Variants in HIBADH observed in about 807,000 individuals in gnomAD.
HIBADH encodes 3-hydroxyisobutyrate dehydrogenase, mitochondrial.
Under a neutral mutation model 36.1 loss-of-function variants are expected in HIBADH, and 25 were observed. The ratio of observed to expected loss-of-function variants is 0.69; its 90% CI spans 0.50 to 0.97. HIBADH has a LOEUF of 0.97. Ranked by LOEUF, HIBADH falls within the 50% of genes least tolerant of loss-of-function variation. HIBADH has a pLI of 0.00. For missense variants in HIBADH, 421 were observed against 418.0 expected (o/e 1.01, Z -0.06); for synonymous variants, 160 against 149.5 (o/e 1.07, Z -0.51).
chr7:27,594,819 A>C (rs866437479), intron 4 of HIBADH, among the ~76,000 whole-genome samples: 4 of 152,200 alleles, frequency 2.6e-5, no homozygotes, highest in South Asian at 4.1e-4. Context: ...GCTGGAACTG[A>C]GTGTATGAAA....
At chr7:27,611,511 C>A (rs1463873238) in intron 4 of HIBADH, among the ~76,000 whole-genome samples, 1 of 51,476 alleles carries the variant, frequency 1.9e-5, no homozygotes, top group South Asian at 8.6e-4. Context: ...CACACACACA[C>A]CCACCCACCC....
intron 4 of HIBADH, among the ~76,000 whole-genome samples, chr7:27,568,742 A>AT (rs1423934148): frequency 8.5e-5 from 13 of 152,248 alleles, no homozygotes; most frequent in Admixed American, 5.2e-4. Flanking sequence ...AAGTGCTGGG[A>AT]TTACAGGCGT....
chr7:27,549,735 T>C (rs1297336528), intron 4 of HIBADH, among the ~76,000 whole-genome samples: 1 of 152,156 alleles, frequency 6.6e-6, no homozygotes, highest in African/African-American at 2.4e-5. Flanking sequence ...CTTATACCTA[T>C]AAAAGAAGTA....
chr7:27,613,436 A>T (rs1785369098), intron 4 of HIBADH, among the ~76,000 whole-genome samples: 1 of 151,032 alleles, frequency 6.6e-6, no homozygotes, highest in South Asian at 2.1e-4. Context: ...ATATGAACTA[A>T]TTCCCTTTCT....
At chr7:27,538,476 C>T (rs372165537) in intron 5 of HIBADH, 59 bp from the exon 6 acceptor site, 253 of 1,449,810 alleles carry the variant, frequency 1.7e-4, no homozygotes, top group Non-Finnish European at 2.3e-4. Flanking sequence ...ACTCACAGGA[C>T]GTTTTTCCTT....
At chr7:27,562,027 A>T (rs1784475369) in intron 4 of HIBADH, among the ~76,000 whole-genome samples, 1 of 152,116 alleles carries the variant, frequency 6.6e-6, no homozygotes, top group African/African-American at 2.4e-5. Context: ...TATAAATAAG[A>T]TTCAGCAGGA....
intron 5 of HIBADH, among the ~76,000 whole-genome samples, chr7:27,539,922 T>C (rs955944631): frequency 1.3e-5 from 2 of 152,026 alleles, no homozygotes; most frequent in Non-Finnish European, 2.9e-5. Flanking sequence ...TAAGTGGAAG[T>C]GGATCATCAT....
intron 4 of HIBADH, among the ~76,000 whole-genome samples, chr7:27,600,206 C>G (rs1583590124): frequency 6.6e-6 from 1 of 152,122 alleles, no homozygotes; most frequent in South Asian, 2.1e-4. Context: ...AACAATCTAC[C>G]CTTTTAAAGT....
At chr7:27,562,655 G>A (rs1220491485) in intron 4 of HIBADH, among the ~76,000 whole-genome samples, 1 of 152,072 alleles carries the variant, frequency 6.6e-6, no homozygotes, top group Admixed American at 6.6e-5. Flanking sequence ...CCAATGCTTA[G>A]CTATGTTGCC....
intron 2 of HIBADH, among the ~76,000 whole-genome samples, chr7:27,632,885 C>G (rs942586881): frequency 2.6e-5 from 4 of 151,842 alleles, no homozygotes; most frequent in African/African-American, 9.7e-5. Context: ...AATCCCCTAA[C>G]AAAATCTCAA....
At chr7:27,578,150 G>A (rs1784740368) in intron 4 of HIBADH, among the ~76,000 whole-genome samples, 1 of 152,152 alleles carries the variant, frequency 6.6e-6, no homozygotes, top group African/African-American at 2.4e-5. Context: ...CTGAAAATGT[G>A]GAGCTGAAGA....
intron 4 of HIBADH, among the ~76,000 whole-genome samples, chr7:27,613,800 A>T (rs1022295131): frequency 6.6e-6 from 1 of 151,886 alleles, no homozygotes; most frequent in African/African-American, 2.4e-5. Flanking sequence ...CTGGGACTAC[A>T]GGTACACGCC....
At chr7:27,659,951 G>A (rs1786383279) in intron 1 of HIBADH, among the ~76,000 whole-genome samples, 1 of 152,106 alleles carries the variant, frequency 6.6e-6, no homozygotes, top group South Asian at 2.1e-4. Flanking sequence ...TAACTACTTG[G>A]GAAGCTGAGG....
In HIBADH at chr7:27,635,406, T is replaced by A. The variant is rs547415346; in HGVS notation, c.253-2961A>T. ...CATGGATCAGTGAAAGGAACACTAA[T>A]TTGGGAAGCCAGAGACCCGGGTTAA... is the stretch of plus-strand genomic sequence containing the variant. On this transcript the variant is annotated intron_variant, in intron 2 of 7. Transcript: ENST00000265395. 2.0e-5 allele frequency among the ~76,000 whole-genome samples: 3 copies of A among 152,288 alleles called. No homozygotes were observed. The South Asian group carries it at 6.2e-4, about 32-fold the overall frequency.
intron 2 of HIBADH, among the ~76,000 whole-genome samples, chr7:27,634,283 C>G (rs888083996): frequency 6.6e-6 from 1 of 152,038 alleles, no homozygotes; most frequent in Non-Finnish European, 1.5e-5. Flanking sequence ...ATACATTCAA[C>G]CTGTATATTT....
chr7:27,624,737 C>G (rs1785611328), intron 4 of HIBADH, among the ~76,000 whole-genome samples: 1 of 152,158 alleles, frequency 6.6e-6, no homozygotes, highest in Admixed American at 6.5e-5. Context: ...CAATTCTGCC[C>G]CTGATCAACA....
intron 7 of HIBADH, among the ~76,000 whole-genome samples, chr7:27,529,566 C>T (rs1783961886): frequency 6.6e-6 from 1 of 152,170 alleles, no homozygotes; most frequent in Admixed American, 6.5e-5. Flanking sequence ...GCAGATGTGA[C>T]TGAATTACTA....
chr7:27,565,981 A>T (rs979388973), intron 4 of HIBADH, among the ~76,000 whole-genome samples: 1 of 152,126 alleles, frequency 6.6e-6, no homozygotes, highest in Non-Finnish European at 1.5e-5. Context: ...TATTACAAAG[A>T]CTGATTTCAG....
intron 7 of HIBADH, among the ~76,000 whole-genome samples, chr7:27,526,747 TAC>T (rs1783907169): frequency 6.6e-6 from 1 of 152,180 alleles, no homozygotes; most frequent in Non-Finnish European, 1.5e-5. Context: ...AAACAGGAAA[TAC>T]AGTTGCAAAT....
Sources: allele counts gnomAD v4.1 joint callset (sites outside exome capture counted in the v4.1 genomes callset), GRCh38; gene constraint gnomAD v4.1.1; transcripts MANE v1.5; gene names NCBI Gene and HGNC (gene_info 2026-07-23, HGNC 2026-07-21).